DOP1A: variants seen among roughly 807,000 people sequenced by gnomAD.
DOP1A encodes the protein DOP1 leucine zipper like protein A.
DOP1A carries 90 observed loss-of-function variants against 267.6 expected under a neutral mutation model. The ratio of observed to expected loss-of-function variants is 0.34; its 90% CI spans 0.28 to 0.40. The LOEUF is 0.40. DOP1A is among the 10% of genes least tolerant of loss of function. DOP1A has a pLI of 1.00. For synonymous variants in DOP1A, 932 were observed against 999.1 expected, an observed-to-expected ratio of 0.93 and a Z score of 1.27; for missense variants, 2,437 against 2,900.4, an observed-to-expected ratio of 0.84 and a Z score of 3.67.
intron 7 of DOP1A, 47 bp from the exon 8 acceptor site, chr6:83,118,841 T>C (rs1232944367): frequency 6.6e-7 from 1 of 1,515,302 alleles, no homozygotes; most frequent in Admixed American, 1.8e-5. Context: ...AAAAAAATAA[T>C]ATATATTGTA....
intron 38 of DOP1A, chr6:83,166,176 C>T (rs1311485322): frequency 4.0e-6 from 2 of 499,654 alleles, no homozygotes; most frequent in Non-Finnish European, 7.0e-6. Context: ...CATGAGGCAC[C>T]CATTTATTGA....
Position 83,138,754 on chromosome 6 carries a change from A to C in DOP1A, c.4712A>C (p.Glu1571Ala). 1 of 1,614,058 alleles carries C rather than the reference A, an allele frequency of 6.2e-7. No individual in the cohort carries two copies. Among genetic ancestry groups the C allele is most frequent in the Admixed American group, 1.7e-5 (1 of 60,000 alleles). The stretch of plus-strand genomic sequence containing the variant: ...AGCCTTATTAATTTCTCAGAGGATG[A>C]ATTTGACAATGGCAGCACGTTGCAG... ...EDSLINFSED[E>A]FDNGSTLQSQ... The change falls in exon 21 of 39, where the codon GAA (glutamate) becomes GCA (alanine). Residue 1571 changes from glutamate to alanine, a missense_variant. Glu to Ala is a moderately radical substitution (Grantham distance 107). Coordinates refer to ENST00000349129, the MANE Select transcript of DOP1A (RefSeq NM_015018.4).
downstream of DOP1A, chr6:83,169,313 T>C: frequency 6.2e-7 from 1 of 1,613,276 alleles, no homozygotes; most frequent in Non-Finnish European, 8.5e-7. Flanking sequence ...TGCAAGGTGA[T>C]CTGCACTTTC....
chr6:83,141,406 T>C (rs1337059374), intron 23 of DOP1A, among the ~76,000 whole-genome samples: 1 of 152,188 alleles, frequency 6.6e-6, no homozygotes, highest in Non-Finnish European at 1.5e-5. Flanking sequence ...CAAATTGATA[T>C]CCTTCAATAA....
chr6:83,168,773 T>C, downstream of DOP1A: 2 of 1,001,668 alleles, frequency 2.0e-6, no homozygotes, highest in Non-Finnish European at 2.4e-6. Flanking sequence ...CATCTAATAA[T>C]CTTTCTTAAG....
chr6:83,136,555 CAG>C (rs1399380183), intron 20 of DOP1A, among the ~76,000 whole-genome samples: 1 of 152,110 alleles, frequency 6.6e-6, no homozygotes, highest in Non-Finnish European at 1.5e-5. Flanking sequence ...ATGGCTTTCT[CAG>C]AGTCTCATGG....
Position 83,118,885 on chromosome 6 carries a change from C to T in DOP1A, c.781-3C>T. On this transcript the variant is annotated splice_region_variant and splice_polypyrimidine_tract_variant and intron_variant, in intron 7 of 38. Transcript: ENST00000349129. Reference sequence around the variant, plus strand: ...AGTACAACCATATTCCTAACTCTTTCAGGCCACTCGACCGGATATGATCAG... The same window carrying T: ...AGTACAACCATATTCCTAACTCTTTTAGGCCACTCGACCGGATATGATCAG... The T allele has an allele frequency of 3.1e-6, 5 of 1,613,278 alleles. No individual in the cohort carries two copies. Among genetic ancestry groups the T allele is most frequent in the Non-Finnish European group, 4.2e-6 (5 of 1,179,402 alleles).
At chr6:83,122,301 G>A (rs1394449470) in intron 11 of DOP1A, among the ~76,000 whole-genome samples, 1 of 151,866 alleles carries the variant, frequency 6.6e-6, no homozygotes, top group African/African-American at 2.4e-5. Flanking sequence ...CTAAAGGGTT[G>A]CCACTTGAAA....
intron 18 of DOP1A, 133 bp downstream of exon 18, chr6:83,132,461 A>T: frequency 1.0e-6 from 1 of 986,052 alleles, no homozygotes; most frequent in Non-Finnish European, 1.4e-6. Context: ...CTTTGTTCAC[A>T]GTGATCTTAA....
At position 83,143,975 on chromosome 6, in the gene DOP1A, A is replaced by G. The variant is rs572922898; in HGVS notation, c.5542-1549A>G. On this transcript the variant is annotated intron_variant, in intron 24 of 38. Transcript: ENST00000349129. ...CTTCTAATGAAAGAATACTGGTCAC[A>G]TTCCAAAGAATAAAGATGAGATTTG... 2.0e-4 allele frequency among the ~76,000 whole-genome samples: 30 copies of G among 152,344 alleles called. 1 individual carries two copies. Among genetic ancestry groups the G allele is most frequent in the African/African-American group, 7.2e-4 (30 of 41,582 alleles).
intron 30 of DOP1A, 95 bp downstream of exon 30, chr6:83,152,462 A>G (rs1273292477): frequency 3.9e-6 from 2 of 512,438 alleles, no homozygotes; most frequent in Admixed American, 4.1e-5. Flanking sequence ...CTAATTTGAG[A>G]AACTATTTTG....
intron 3 of DOP1A, among the ~76,000 whole-genome samples, chr6:83,099,288 A>G (rs28503858): frequency 6.6e-6 from 1 of 152,322 alleles, no homozygotes; most frequent in East Asian, 1.9e-4. Context: ...TCAGTATGTC[A>G]AGGATTTGTC....
chr6:83,125,925 A>G (rs1200726687), intron 15 of DOP1A, among the ~76,000 whole-genome samples, 192 bp downstream of exon 15: 2 of 152,058 alleles, frequency 1.3e-5, no homozygotes, highest in Non-Finnish European at 2.9e-5. Context: ...ACTTTCCAGT[A>G]GAAGTATCAT....
chr6:83,162,346 T>G (rs573243523), intron 37 of DOP1A, among the ~76,000 whole-genome samples: 1 of 152,300 alleles, frequency 6.6e-6, no homozygotes, highest in East Asian at 1.9e-4. Context: ...AATTTTTTAC[T>G]CCTTTACTAT....
At chr6:83,132,905 A>G (rs987271203) in intron 18 of DOP1A, among the ~76,000 whole-genome samples, 1 of 152,178 alleles carries the variant, frequency 6.6e-6, no homozygotes, top group African/African-American at 2.4e-5. Context: ...CATCAGGGTT[A>G]TTTAATGACA....
At position 83,137,225 on chromosome 6, in the gene DOP1A, C is replaced by T. The variant is rs1450766032; in HGVS notation, c.3183C>T (p.Thr1061=). The T allele has an allele frequency of 5.0e-6, 8 of 1,598,848 alleles. No individual in the cohort carries two copies. Among genetic ancestry groups the T allele is most frequent in the Non-Finnish European group, 5.1e-6 (6 of 1,171,168 alleles). ...TSKGNGEKPL[T]MDEIENFSLT... ...AAGGAAATGGTGAAAAGCCACTTAC[C>T]ATGGATGAAATAGAGAACTTTAGTC... The change falls in exon 21 of 39, where the codon ACC becomes ACT. Residue 1061 remains threonine, a synonymous_variant. Coordinates refer to ENST00000349129, the MANE Select transcript of DOP1A (RefSeq NM_015018.4).
Position 83,140,354 on chromosome 6 carries a change from C to T in DOP1A, c.5366C>T (p.Thr1789Ile). The change falls in exon 23 of 39, where the codon ACT becomes ATT. Residue 1789 changes from threonine to isoleucine, a missense_variant. This residue lies in a region of DOP1A where 307 missense variants were observed against 308.6 expected (regional missense o/e 0.99). Coordinates refer to ENST00000349129, the MANE Select transcript of DOP1A (RefSeq NM_015018.4). ...CAAGCTGATTCTTCAGAAAAGATGA[C>T]TATTGCCGCATCCGCATCTCTTACC... ...LHQADSSEKM[T>I]IAASASLTTI... The T allele has an allele frequency of 1.2e-6, 2 of 1,612,904 alleles. No homozygotes were observed. Among genetic ancestry groups the T allele is most frequent in the Non-Finnish European group, 1.7e-6 (2 of 1,179,748 alleles).
In DOP1A at chr6:83,137,839, G is replaced by T; in HGVS notation, c.3797G>T (p.Ser1266Ile). The T allele has an allele frequency of 6.2e-7, 1 of 1,613,688 alleles. No homozygotes were observed. The highest frequency in any genetic ancestry group is 1.3e-5 in the African/African-American group (1 of 74,996). The change falls in exon 21 of 39, where the codon AGT (serine) becomes ATT (isoleucine). Residue 1266 changes from serine to isoleucine, a missense_variant. Physicochemically the swap from Ser to Ile is moderately radical, Grantham distance 142. Coordinates refer to ENST00000349129, the MANE Select transcript of DOP1A (RefSeq NM_015018.4). ...IETKSRQRSH[S>I]SIQFSFKEKL... The stretch of plus-strand genomic sequence containing the variant: ...ACCAAATCTAGACAAAGGAGTCACA[G>T]TAGTATTCAATTCAGCTTCAAAGAA...
At chr6:83,120,160 A>G (rs1776141209) in intron 9 of DOP1A, among the ~76,000 whole-genome samples, 1 of 152,034 alleles carries the variant, frequency 6.6e-6, no homozygotes, top group Non-Finnish European at 1.5e-5. Flanking sequence ...AAAATGAGTC[A>G]GGACCTGTGC....
Sources: allele counts gnomAD v4.1 joint callset (sites outside exome capture counted in the v4.1 genomes callset), GRCh38; gene constraint gnomAD v4.1.1; regional missense constraint gnomAD v4.1.1; transcripts MANE v1.5; gene names NCBI Gene and HGNC (gene_info 2026-07-23, HGNC 2026-07-21).